Variants in CHRNB2 observed in about 807,000 individuals in gnomAD.
The protein encoded by CHRNB2 is neuronal acetylcholine receptor subunit beta-2.
A neutral mutation model predicts 42.7 loss-of-function variants in CHRNB2; 33 were observed. The observed-to-expected ratio is 0.77, with a 90% CI of 0.59 to 1.03. The LOEUF is 1.03. Among genes scored for constraint, CHRNB2 ranks in the 50% least tolerant of loss-of-function variants. CHRNB2 has a pLI of 0.00. For missense variants in CHRNB2, 603 were observed against 700.9 expected (o/e 0.86, Z 1.58); for synonymous variants, 325 against 292.9 (o/e 1.11, Z -1.12).
chr1:154,570,345 C>A lies in CHRNB2; in HGVS notation c.343C>A (p.Pro115Thr), dbSNP rs1696139462. 1 of 1,610,346 alleles carries A rather than the reference C, an allele frequency of 6.2e-7. No homozygotes were observed. The highest frequency in any genetic ancestry group is 8.5e-7 in the Non-Finnish European group (1 of 1,177,672). The change falls in exon 4 of 6, where the codon CCA becomes ACA. Residue 115 changes from proline (P) to threonine (T), a missense_variant. Pro to Thr is a conservative substitution (Grantham distance 38). Transcript: ENST00000368476. Reference protein sequence around the residue: ...VRLPSKHIWLPDVVLYNNADG... With the variant: ...VRLPSKHIWLTDVVLYNNADG... ...GCTCCCTTCCAAACACATCTGGCTC[C>A]CAGATGTGGTCCTGTACAACAAGTA... is the stretch of plus-strand genomic sequence containing the variant.
chr1:154,576,089 A>G lies in CHRNB2; in HGVS notation c.*157A>G, dbSNP rs1696270160. 1 of 881,836 alleles carries G rather than the reference A, an allele frequency of 1.1e-6. No individual in the cohort carries two copies. The highest frequency in any genetic ancestry group is 1.7e-5 in the African/African-American group (1 of 60,584). The allele number at this position is 881,836 out of a possible 1,614,324, so 54.6% of individuals were successfully genotyped here. On this transcript the variant is annotated 3_prime_UTR_variant, in exon 6 of 6. Transcript: ENST00000368476. ...GGAGTCCCTCCTCCCCCACGCCTCCATCCACACACAGCAGCTCCAACCTGG... is the reference window on the plus strand; with the variant it reads ...GGAGTCCCTCCTCCCCCACGCCTCCGTCCACACACAGCAGCTCCAACCTGG...
chr1:154,577,293 G>T lies in CHRNB2; in HGVS notation c.*1361G>T, dbSNP rs1264533208. ...GGTCAGCCTGCCAAGTGCACCTGAGGGACCTGACCTGACACAAGCCATTTT... is the reference window on the plus strand; with the variant it reads ...GGTCAGCCTGCCAAGTGCACCTGAGTGACCTGACCTGACACAAGCCATTTT... On this transcript the variant is annotated 3_prime_UTR_variant, in exon 6 of 6. Transcript: ENST00000368476. 1 of 152,248 alleles carries T rather than the reference G, an allele frequency of 6.6e-6. No homozygotes were observed. Among genetic ancestry groups the T allele is most frequent in the Admixed American group, 6.5e-5 (1 of 15,282 alleles). 9.4% of individuals were successfully genotyped at this position (152,248 alleles called of 1,614,324 possible). A position where few individuals can be genotyped will look rare whatever the true frequency, so the allele number is the denominator to read the frequency against.
Position 154,571,457 on chromosome 1 carries a change from C to T in CHRNB2, c.634C>T (p.Arg212Cys), listed in dbSNP as rs572595325. ...EWDIVALPGR[R>C]NENPDDSTYV... ...GGACATCGTGGCGCTGCCGGGCCGG[C>T]GCAACGAGAACCCCGACGACTCTAC... The change falls in exon 5 of 6, where the codon CGC (arginine) becomes TGC (cysteine). Residue 212 changes from arginine to cysteine, a missense_variant. Arg to Cys is a radical substitution (Grantham distance 180, BLOSUM62 -3). Coordinates refer to ENST00000368476, the MANE Select transcript of CHRNB2 (RefSeq NM_000748.3). The surrounding 1 kb of genome is among the most constrained non-coding windows in gnomAD (Gnocchi z 6.8). The T allele has an allele frequency of 5.6e-6, 9 of 1,614,058 alleles. No homozygotes were observed. The highest frequency in any genetic ancestry group is 6.8e-6 in the Non-Finnish European group (8 of 1,180,026).
At chr1:154,573,090 G>A (rs1485222264) in intron 5 of CHRNB2, among the ~76,000 whole-genome samples, 2 of 152,138 alleles carry the variant, frequency 1.3e-5, no homozygotes, top group Non-Finnish European at 2.9e-5. Flanking sequence ...ACTGCGGTGT[G>A]GGCCTCAGAG....
Position 154,572,016 on chromosome 1 carries a change from G to T in CHRNB2, c.1193G>T (p.Gly398Val). The T allele has an allele frequency of 2.6e-6, 4 of 1,533,962 alleles. No individual in the cohort carries two copies. The highest frequency in any genetic ancestry group is 3.5e-6 in the Non-Finnish European group (4 of 1,144,962). ...TCFVNRASVQ[G>V]LAGAFGAEPA... ...TTCGTCAACCGCGCGTCGGTGCAGG[G>T]GTTGGCCGGGGCCTTCGGGGCTGAG... Residue 398 changes from glycine to valine, a missense_variant, in exon 5 of 6, where the codon GGG (glycine) becomes GTG (valine). By Grantham distance (109) the Gly-to-Val change is moderately radical. Transcript: ENST00000368476.
chr1:154,572,015 G>A lies in CHRNB2; in HGVS notation c.1192G>A (p.Gly398Arg), dbSNP rs1696179805. The A allele has an allele frequency of 3.3e-6, 5 of 1,533,856 alleles. No homozygotes were observed. Among genetic ancestry groups the A allele is most frequent in the East Asian group, 4.9e-5 (2 of 40,840 alleles). The stretch of plus-strand genomic sequence containing the variant: ...CTTCGTCAACCGCGCGTCGGTGCAG[G>A]GGTTGGCCGGGGCCTTCGGGGCTGA... The part of the protein sequence containing the change: ...TCFVNRASVQ[G>R]LAGAFGAEPA... Residue 398 changes from glycine (G) to arginine (R), a missense_variant, in exon 5 of 6, where the codon GGG (glycine) becomes AGG (arginine). This residue lies in a region of CHRNB2 where 270 missense variants were observed against 248.3 expected (regional missense o/e 1.09). Transcript: ENST00000368476.
chr1:154,567,919 G>C lies in CHRNB2; in HGVS notation c.-126G>C, dbSNP rs200436688. 2.4e-6 allele frequency: 2 copies of C among 833,892 alleles called. No homozygotes were observed. The highest frequency in any genetic ancestry group is 3.4e-6 in the Non-Finnish European group (2 of 594,794). The allele number at this position is 833,892 out of a possible 1,614,324, so 51.7% of individuals were successfully genotyped here. A position where few individuals can be genotyped will look rare whatever the true frequency, so the allele number is the denominator to read the frequency against. On this transcript the variant is annotated 5_prime_UTR_variant, in exon 1 of 6. Coordinates refer to ENST00000368476, the MANE Select transcript of CHRNB2 (RefSeq NM_000748.3). ...AGGCCCAGGAACCACCGCGGCGGCCGGCACCACCTGGACCCAGCTCCAGGC... is the reference window on the plus strand; with the variant it reads ...AGGCCCAGGAACCACCGCGGCGGCCCGCACCACCTGGACCCAGCTCCAGGC...
At position 154,571,844 on chromosome 1, in the gene CHRNB2, G is replaced by A; in HGVS notation, c.1021G>A (p.Glu341Lys). The change falls in exon 5 of 6, where the codon GAG becomes AAG. Residue 341 changes from glutamate (E) to lysine (K), a missense_variant. Glu to Lys is a moderately conservative substitution (Grantham distance 56). Transcript: ENST00000368476. The surrounding 1 kb of genome is among the most constrained non-coding windows in gnomAD (Gnocchi z 6.8). ...MAPWVKVVFLEKLPALLFMQQ... is the reference protein window; with the variant it reads ...MAPWVKVVFLKKLPALLFMQQ... ...GCCCTGGGTGAAGGTCGTCTTCCTGGAGAAGCTGCCCGCGCTGCTCTTCAT... is the reference window on the plus strand; with the variant it reads ...GCCCTGGGTGAAGGTCGTCTTCCTGAAGAAGCTGCCCGCGCTGCTCTTCAT... 1 of 1,612,114 alleles carries A rather than the reference G, an allele frequency of 6.2e-7. No individual in the cohort carries two copies. The highest frequency in any genetic ancestry group is 8.5e-7 in the Non-Finnish European group (1 of 1,179,786).
intron 1 of CHRNB2, among the ~76,000 whole-genome samples, chr1:154,568,805 G>A (rs1696108735): frequency 6.6e-6 from 1 of 151,952 alleles, no homozygotes; most frequent in African/African-American, 2.4e-5. Context: ...ACCTCTAGGG[G>A]TGGGCTGCTG....
chr1:154,573,698 C>T (rs1696216983), intron 5 of CHRNB2, among the ~76,000 whole-genome samples: 2 of 152,158 alleles, frequency 1.3e-5, no homozygotes, highest in Non-Finnish European at 2.9e-5. Context: ...GTCTCCCTCA[C>T]GGCTCATGCC....
Position 154,568,011 on chromosome 1 carries a change from C to G in CHRNB2, c.-34C>G, listed in dbSNP as rs764839079. 1.8e-5 allele frequency: 27 copies of G among 1,519,714 alleles called. No individual in the cohort carries two copies. The highest frequency in any genetic ancestry group is 3.8e-4 in the Middle Eastern group (2 of 5,294). 94.1% of individuals were successfully genotyped at this position (1,519,714 alleles called of 1,614,324 possible). On this transcript the variant is annotated 5_prime_UTR_variant, in exon 1 of 6. Transcript: ENST00000368476. ...CCTCCCCCCGGCGGCGCGCTCCAGC[C>G]GGTGTAGGCGAGGCAGCGAGCTATG...
In CHRNB2 at chr1:154,567,886, G is replaced by C. The variant is rs1696088115; in HGVS notation, c.-159G>C. 1 of 534,048 alleles carries C rather than the reference G, an allele frequency of 1.9e-6. No homozygotes were observed. Among genetic ancestry groups the C allele is most frequent in the Non-Finnish European group, 3.1e-6 (1 of 325,524 alleles). The allele number at this position is 534,048 out of a possible 1,614,324, so 33.1% of individuals were successfully genotyped here. On this transcript the variant is annotated 5_prime_UTR_variant, in exon 1 of 6. Transcript: ENST00000368476. ...AGAAGCTGGTTTCTCCTCGCAGCCG[G>C]CTCCCTGAGGCCCAGGAACCACCGC...
In CHRNB2 at chr1:154,576,558, T is replaced by C. The variant is rs1696283862; in HGVS notation, c.*626T>C. ...GCTCAGTCCCACAGCCCCTTGCTTC[T>C]AAGGGATCCAGAGACCTGCTCCAGA... On this transcript the variant is annotated 3_prime_UTR_variant, in exon 6 of 6. Transcript: ENST00000368476. 5.9e-6 allele frequency: 1 copy of C among 168,886 alleles called. No homozygotes were observed. The highest frequency in any genetic ancestry group is 2.4e-5 in the African/African-American group (1 of 41,758). 10.5% of individuals were successfully genotyped at this position (168,886 alleles called of 1,614,324 possible). A position where few individuals can be genotyped will look rare whatever the true frequency, so the allele number is the denominator to read the frequency against.
intron 5 of CHRNB2, 74 bp downstream of exon 5, chr1:154,572,235 G>A: frequency 6.5e-7 from 1 of 1,530,712 alleles, no homozygotes; most frequent in Non-Finnish European, 8.7e-7. Context: ...GAAAGCAGCG[G>A]CGTTCTATAG....
chr1:154,572,736 T>C (rs1404083134), intron 5 of CHRNB2, among the ~76,000 whole-genome samples: 1 of 152,064 alleles, frequency 6.6e-6, no homozygotes, highest in Non-Finnish European at 1.5e-5. Context: ...TCAATATCCC[T>C]GCTCTTCTGA....
chr1:154,572,962 C>G (rs914549799), intron 5 of CHRNB2, among the ~76,000 whole-genome samples: 1 of 152,166 alleles, frequency 6.6e-6, no homozygotes, highest in African/African-American at 2.4e-5. Flanking sequence ...CCGGCCCCAC[C>G]CTGTGGTCAG....
In CHRNB2 at chr1:154,576,125, A is replaced by C; in HGVS notation, c.*193A>C. 1.5e-6 allele frequency: 1 copy of C among 673,728 alleles called. No individual in the cohort carries two copies. The highest frequency in any genetic ancestry group is 2.6e-6 in the Non-Finnish European group (1 of 384,366). The allele number at this position is 673,728 out of a possible 1,614,324, so 41.7% of individuals were successfully genotyped here. ...GCAGCTCCAACCTGGAGGCTGGACCAACTGCTTTGTTTTGGCTGCTCTCCA... is the reference window on the plus strand; with the variant it reads ...GCAGCTCCAACCTGGAGGCTGGACCCACTGCTTTGTTTTGGCTGCTCTCCA... On this transcript the variant is annotated 3_prime_UTR_variant, in exon 6 of 6. Transcript: ENST00000368476.
intron 5 of CHRNB2, among the ~76,000 whole-genome samples, chr1:154,572,735 C>G (rs1355157513): frequency 6.6e-6 from 1 of 152,056 alleles, no homozygotes; most frequent in Non-Finnish European, 1.5e-5. Flanking sequence ...ATCAATATCC[C>G]TGCTCTTCTG....
rs145926853 is a variant in CHRNB2 at position 154,569,488 on chromosome 1, C to T, written c.91C>T (p.Arg31Trp). ...SGVWGTDTEERLVEHLLDPSR... is the reference protein window; with the variant it reads ...SGVWGTDTEEWLVEHLLDPSR... ...GGTGTGGGGTACGGATACAGAGGAG[C>T]GGCTGGTGGAGCATCTCCTGGATCC... is the stretch of plus-strand genomic sequence containing the variant. The change falls in exon 2 of 6, where the codon CGG becomes TGG. Residue 31 changes from arginine to tryptophan, a missense_variant. Around this residue, in one of 2 missense-constraint regions of CHRNB2, gnomAD observed 333 missense variants for 452.6 expected, o/e 0.74. Coordinates refer to ENST00000368476, the MANE Select transcript of CHRNB2 (RefSeq NM_000748.3). 12 of 1,613,774 alleles carry T rather than the reference C, an allele frequency of 7.4e-6. No individual in the cohort carries two copies. Among genetic ancestry groups the T allele is most frequent in the African/African-American group, 2.7e-5 (2 of 74,968 alleles).
Sources: gnomAD v4.1 joint callset for allele counts (sites outside exome capture counted in the v4.1 genomes callset) on GRCh38, gnomAD v4.1.1 for gene constraint, gnomAD v4.1.1 regional missense constraint, Gnocchi (gnomAD v3.1) non-coding constraint, MANE v1.5 for transcripts, NCBI Gene and HGNC (gene_info 2026-07-23, HGNC 2026-07-21) for gene names.